Variants in PTPRM observed in about 807,000 individuals in gnomAD.
The protein encoded by PTPRM is protein tyrosine phosphatase receptor type M.
In PTPRM, 47 loss-of-function variants were observed where a neutral mutation model predicts 186.7. The observed-to-expected ratio is 0.25, with a 90% CI of 0.20 to 0.32. The LOEUF is 0.32. Ranked by LOEUF, PTPRM falls within the 10% of genes least tolerant of loss-of-function variation. PTPRM has a pLI of 1.00. For missense variants in PTPRM, 1,494 were observed against 1,865.0 expected, an observed-to-expected ratio of 0.80 and a Z score of 3.66; for synonymous variants, 668 against 674.9, an observed-to-expected ratio of 0.99 and a Z score of 0.16.
chr18:8,037,440 A>G (rs371481007), intron 7 of PTPRM, among the ~76,000 whole-genome samples: 20 of 152,316 alleles, frequency 1.3e-4, no homozygotes, highest in African/African-American at 4.6e-4. Context: ...ATGAGACAGT[A>G]TACTGTCCTC....
At chr18:7,857,168 AGG>A (rs2047136408) in intron 2 of PTPRM, among the ~76,000 whole-genome samples, 1 of 152,096 alleles carries the variant, frequency 6.6e-6, no homozygotes, top group Non-Finnish European at 1.5e-5. Flanking sequence ...AGTGGTGCAG[AGG>A]GGCACATGAC....
chr18:7,912,637 G>A (rs997746985), intron 4 of PTPRM, among the ~76,000 whole-genome samples: 2 of 151,442 alleles, frequency 1.3e-5, no homozygotes, highest in African/African-American at 2.4e-5. Flanking sequence ...TCAGCCTCTC[G>A]AGTAGTTGGG....
At chr18:7,737,946 C>A (rs1489818769) in intron 1 of PTPRM, among the ~76,000 whole-genome samples, 1 of 152,166 alleles carries the variant, frequency 6.6e-6, no homozygotes, top group African/African-American at 2.4e-5. Flanking sequence ...ATGAATATAA[C>A]ATTCATTAAA....
chr18:8,355,197 C>T (rs1343852427), intron 23 of PTPRM, among the ~76,000 whole-genome samples: 1 of 152,048 alleles, frequency 6.6e-6, no homozygotes, highest in Non-Finnish European at 1.5e-5. Flanking sequence ...GATGAAATTC[C>T]GTGATAAAGG....
Position 7,700,878 on chromosome 18 carries a change from T to C in PTPRM, c.74-73271T>C, listed in dbSNP as rs111496551. The stretch of plus-strand genomic sequence containing the variant: ...GGTAGTGTATACCTGTACTCCCAGC[T>C]AAGTGTGAGAATTGCTTGAGCCCAG... On this transcript the variant is annotated intron_variant, in intron 1 of 32. Transcript: ENST00000580170. 3.5e-3 allele frequency among the ~76,000 whole-genome samples: 505 copies of C among 145,870 alleles called. 3 individuals carry two copies. The highest frequency in any genetic ancestry group is 0.012 in the African/African-American group (451 of 39,032).
chr18:8,169,150 A>T (rs2093362613), intron 14 of PTPRM, among the ~76,000 whole-genome samples: 1 of 152,202 alleles, frequency 6.6e-6, no homozygotes, highest in African/African-American at 2.4e-5. Context: ...TGTCATCGAT[A>T]TAGCACAATG....
intron 22 of PTPRM, among the ~76,000 whole-genome samples, chr18:8,342,917 T>C (rs638511): frequency 0.51 from 76,476 of 150,694 alleles, 19,460 homozygotes; most frequent in East Asian, 0.56. Flanking sequence ...TTCTCTCTCT[T>C]ACTTTAGAAA....
At chr18:7,713,996 T>C (rs2040268419) in intron 1 of PTPRM, among the ~76,000 whole-genome samples, 1 of 152,170 alleles carries the variant, frequency 6.6e-6, no homozygotes, top group Admixed American at 6.5e-5. Flanking sequence ...ATTCAGGACT[T>C]GAACTTAGCT....
chr18:7,818,565 A>G (rs1430734610), intron 2 of PTPRM, among the ~76,000 whole-genome samples: 1 of 152,192 alleles, frequency 6.6e-6, no homozygotes, highest in Non-Finnish European at 1.5e-5. Flanking sequence ...GAGGATAAAG[A>G]AAGAACTGCC....
At chr18:8,172,708 A>AG (rs1255128925) in intron 14 of PTPRM, among the ~76,000 whole-genome samples, 6 of 151,564 alleles carry the variant, frequency 4.0e-5, no homozygotes, top group African/African-American at 7.3e-5. Context: ...AAAAAAAAAA[A>AG]AGAAAAAAAA....
At chr18:7,724,166 T>TTAG (rs934003104) in intron 1 of PTPRM, among the ~76,000 whole-genome samples, 15 of 152,164 alleles carry the variant, frequency 9.9e-5, no homozygotes, top group African/African-American at 3.4e-4. Context: ...TAGTTGTCAC[T>TTAG]TAGTACATTT....
chr18:8,309,093 T>A (rs1173884608), intron 20 of PTPRM, among the ~76,000 whole-genome samples: 3 of 152,264 alleles, frequency 2.0e-5, no homozygotes, highest in Non-Finnish European at 2.9e-5. Flanking sequence ...GTCTCCCTTC[T>A]GTTGATGGAC....
chr18:8,033,339 C>T (rs1209379858), intron 7 of PTPRM, among the ~76,000 whole-genome samples: 3 of 152,098 alleles, frequency 2.0e-5, no homozygotes, highest in Admixed American at 6.6e-5. Flanking sequence ...CTGTATGTAT[C>T]ATGACTATAC....
intron 14 of PTPRM, among the ~76,000 whole-genome samples, chr18:8,151,841 G>T (rs111465337): frequency 6.6e-6 from 1 of 152,086 alleles, no homozygotes; most frequent in African/African-American, 2.4e-5. Context: ...TGGGAAAAGC[G>T]CAGTATCTGA....
intron 22 of PTPRM, among the ~76,000 whole-genome samples, chr18:8,322,575 A>G (rs192055798): frequency 2.6e-5 from 4 of 152,210 alleles, no homozygotes; most frequent in Admixed American, 6.5e-5. Flanking sequence ...CCACTACTGC[A>G]TGTCTCTGTA....
At chr18:7,826,341 A>G (rs2045483004) in intron 2 of PTPRM, among the ~76,000 whole-genome samples, 1 of 152,220 alleles carries the variant, frequency 6.6e-6, no homozygotes, top group African/African-American at 2.4e-5. Context: ...CCCTATTAAC[A>G]TGCCTTTCTA....
intron 9 of PTPRM, among the ~76,000 whole-genome samples, chr18:8,085,459 A>T (rs181245066): frequency 6.6e-6 from 1 of 152,308 alleles, no homozygotes; most frequent in East Asian, 1.9e-4. Flanking sequence ...ATTCTAATCT[A>T]CTGGCTTAAG....
chr18:7,779,312 C>G (rs2042744121), intron 2 of PTPRM, among the ~76,000 whole-genome samples: 1 of 152,144 alleles, frequency 6.6e-6, no homozygotes, highest in South Asian at 2.1e-4. Context: ...GCTCATTTAG[C>G]TTTCCATGTC....
intron 22 of PTPRM, among the ~76,000 whole-genome samples, chr18:8,336,026 A>AAAATAAAT (rs10565797): frequency 2.5e-4 from 38 of 150,698 alleles, no homozygotes; most frequent in African/African-American, 8.0e-4. Flanking sequence ...TGTCTCATAA[A>AAAATAAAT]AAATAAATAA....
Sources: allele counts gnomAD v4.1 joint callset (sites outside exome capture counted in the v4.1 genomes callset), GRCh38; gene constraint gnomAD v4.1.1; transcripts MANE v1.5; gene names NCBI Gene and HGNC (gene_info 2026-07-23, HGNC 2026-07-21).